Variants in FAM81A observed in about 807,000 individuals in gnomAD.
FAM81A encodes protein FAM81A.
In FAM81A, 19 loss-of-function variants were observed where a neutral mutation model predicts 46.7. The ratio of observed to expected loss-of-function variants is 0.41; its 90% CI spans 0.28 to 0.60. The LOEUF is 0.60. Ranked by LOEUF, FAM81A falls within the 20% of genes least tolerant of loss-of-function variation. FAM81A has a pLI of 0.34. For synonymous variants in FAM81A, 183 were observed against 152.9 expected (o/e 1.20, Z -1.45); for missense variants, 377 against 453.5 (o/e 0.83, Z 1.53).
At position 59,514,337 on chromosome 15, in the gene FAM81A, G is replaced by T. The variant is rs539090033; in HGVS notation, c.699G>T (p.Arg233=). The T allele has an allele frequency of 1.9e-6, 3 of 1,613,706 alleles. No individual in the cohort carries two copies. In the South Asian group the frequency reaches 3.3e-5, roughly 18 times the overall value. ...EELSNQILSA[R]SWLQQEQERI... ...TCAGTAACCAGATATTATCTGCACG[G>T]AGTTGGTTGCAACAGGAACAAGAAC... Residue 233 remains arginine (R), a synonymous_variant, in exon 7 of 9, where the codon CGG becomes CGT. Transcript: ENST00000288228.
At chr15:59,425,924 A>G (rs2081192870) in intron 2 of FAM81A, among the ~76,000 whole-genome samples, 1 of 152,230 alleles carries the variant, frequency 6.6e-6, no homozygotes, top group Non-Finnish European at 1.5e-5. Context: ...CCAGCTGGCT[A>G]TTCTATTTTT....
At chr15:59,416,311 G>A (rs574046199) in intron 2 of FAM81A, among the ~76,000 whole-genome samples, 58 of 152,356 alleles carry the variant, frequency 3.8e-4, no homozygotes, top group African/African-American at 1.2e-3. Context: ...AACCATGCAC[G>A]ATAAGCTTCC....
rs2082329574 is a variant in FAM81A at position 59,521,656 on chromosome 15, A to T, written c.*278A>T. ...GAAAGGCTTTTATCTTCTTCATTTT[A>T]CGAATGGAAAGACGACAATTTTTCT... On this transcript the variant is annotated 3_prime_UTR_variant, in exon 9 of 9. Transcript: ENST00000288228. 3.7e-6 allele frequency: 1 copy of T among 267,046 alleles called. No homozygotes were observed. The highest frequency in any genetic ancestry group is 1.4e-4 in the South Asian group (1 of 7,342). 16.5% of individuals were successfully genotyped at this position (267,046 alleles called of 1,614,324 possible).
At chr15:59,463,589 T>A (rs1484067978) in intron 3 of FAM81A, among the ~76,000 whole-genome samples, 1 of 152,048 alleles carries the variant, frequency 6.6e-6, no homozygotes, top group Non-Finnish European at 1.5e-5. Flanking sequence ...ACACCTGTAA[T>A]CCCAGCACTT....
intron 3 of FAM81A, among the ~76,000 whole-genome samples, chr15:59,471,989 T>G (rs1279325006): frequency 1.3e-5 from 2 of 152,246 alleles, no homozygotes; most frequent in Non-Finnish European, 2.9e-5. Flanking sequence ...GTTGCTTTGG[T>G]GCCTTATGGT....
chr15:59,489,264 CAAATACATACAT>C (rs1408199421), intron 3 of FAM81A, among the ~76,000 whole-genome samples: 45 of 126,590 alleles, frequency 3.6e-4, no homozygotes, highest in African/African-American at 1.4e-3. Flanking sequence ...GACTCCATCT[CAAATACATACAT>C]ACATACATAC....
At chr15:59,480,058 G>C (rs1355974075) in intron 3 of FAM81A, among the ~76,000 whole-genome samples, 2 of 152,142 alleles carry the variant, frequency 1.3e-5, no homozygotes, top group African/African-American at 2.4e-5. Flanking sequence ...GGTGGAGATG[G>C]GGAGAAGATG....
chr15:59,494,316 G>C (rs541718454), intron 4 of FAM81A, among the ~76,000 whole-genome samples: 277 of 152,258 alleles, frequency 1.8e-3, no homozygotes, highest in African/African-American at 6.5e-3. Context: ...GGACTCTGAG[G>C]ATCTTCGTAG....
chr15:59,512,602 G>A (rs889128841), intron 6 of FAM81A, among the ~76,000 whole-genome samples: 4 of 151,958 alleles, frequency 2.6e-5, no homozygotes, highest in Middle Eastern at 3.4e-3. Context: ...TGGGGTGATC[G>A]CAAAGTACAC....
intron 2 of FAM81A, among the ~76,000 whole-genome samples, chr15:59,417,047 G>T (rs2081149763): frequency 6.6e-6 from 1 of 152,126 alleles, no homozygotes; most frequent in African/African-American, 2.4e-5. Flanking sequence ...ATGGGGGCTG[G>T]GGTAGGGGGA....
intron 1 of FAM81A, among the ~76,000 whole-genome samples, chr15:59,449,252 A>AT (rs1256867737): frequency 2.6e-5 from 4 of 151,890 alleles, no homozygotes; most frequent in East Asian, 1.9e-4. Flanking sequence ...TGGTTTACAT[A>AT]TTTTTTTTAA....
At chr15:59,484,973 G>A (rs890169918) in intron 3 of FAM81A, among the ~76,000 whole-genome samples, 2 of 152,150 alleles carry the variant, frequency 1.3e-5, no homozygotes, top group Admixed American at 6.5e-5. Context: ...GGTGAACAAT[G>A]GCAGTAGCAT....
At chr15:59,418,156 C>T (rs1436171287) in intron 2 of FAM81A, among the ~76,000 whole-genome samples, 1 of 152,180 alleles carries the variant, frequency 6.6e-6, no homozygotes, top group Non-Finnish European at 1.5e-5. Context: ...CAAGCTGACA[C>T]TTTCTTCTCT....
At chr15:59,505,139 C>T (rs573104477) in intron 4 of FAM81A, among the ~76,000 whole-genome samples, 1 of 152,084 alleles carries the variant, frequency 6.6e-6, no homozygotes, top group African/African-American at 2.4e-5. Flanking sequence ...TTTTTAATCT[C>T]TGTCCACTAC....
intron 6 of FAM81A, among the ~76,000 whole-genome samples, chr15:59,511,790 A>G (rs186677271): frequency 7.7e-4 from 117 of 152,260 alleles, no homozygotes; most frequent in African/African-American, 2.7e-3. Flanking sequence ...AGCTGGGACT[A>G]CAGGCACGTG....
chr15:59,409,595 T>C (rs1362570326), intron 2 of FAM81A, among the ~76,000 whole-genome samples: 3 of 152,220 alleles, frequency 2.0e-5, no homozygotes. Flanking sequence ...CGGGACTGTC[T>C]TTTCTGTACA....
chr15:59,489,300 TACATACATACATATATAC>T (rs2081957133), intron 3 of FAM81A, among the ~76,000 whole-genome samples: 1 of 150,774 alleles, frequency 6.6e-6, no homozygotes, highest in African/African-American at 2.4e-5. Flanking sequence ...CATACATACA[TACATACATACATATATAC>T]ATACATACAT....
Position 59,458,582 on chromosome 15 carries a change from G to A in FAM81A, c.-45G>A. 1 of 1,613,642 alleles carries A rather than the reference G, an allele frequency of 6.2e-7. No homozygotes were observed. On this transcript the variant is annotated 5_prime_UTR_variant, in exon 2 of 9. Transcript: ENST00000288228. ...TTATTAAAAAGAAAATGGCCCAACG[G>A]AGCACTGTATTTCCTTCTCGTGTCA...
At chr15:59,455,690 G>T (rs1337825103) in intron 1 of FAM81A, among the ~76,000 whole-genome samples, 1 of 152,176 alleles carries the variant, frequency 6.6e-6, no homozygotes, top group Non-Finnish European at 1.5e-5. Context: ...TCATAGAGCT[G>T]CATAGCGCTT....
Sources: gnomAD v4.1 joint callset for allele counts (sites outside exome capture counted in the v4.1 genomes callset) on GRCh38, gnomAD v4.1.1 for gene constraint, MANE v1.5 for transcripts, NCBI Gene and HGNC (gene_info 2026-07-23, HGNC 2026-07-21) for gene names.